Variants in C10orf71 observed in about 807,000 individuals in gnomAD.
C10orf71 encodes the protein chromosome 10 open reading frame 71.
For missense variants in C10orf71, 1,869 were observed against 1,804.5 expected (o/e 1.04, Z -0.65); for synonymous variants, 758 against 726.3 (o/e 1.04, Z -0.70).
chr10:49,307,258 G>T (rs1180282639), intron 1 of C10orf71, among the ~76,000 whole-genome samples: 2 of 152,244 alleles, frequency 1.3e-5, no homozygotes, highest in Non-Finnish European at 2.9e-5. Flanking sequence ...AGCTCACGAG[G>T]AGAAGCCAAG....
chr10:49,297,062 C>T (rs1451508820), upstream of C10orf71, among the ~76,000 whole-genome samples: 2 of 152,246 alleles, frequency 1.3e-5, no homozygotes, highest in Non-Finnish European at 2.9e-5. Flanking sequence ...TTCAAGCAAA[C>T]ACCATTCGCT....
At chr10:49,303,536 G>A (rs966669879) in intron 1 of C10orf71, among the ~76,000 whole-genome samples, 3 of 152,194 alleles carry the variant, frequency 2.0e-5, no homozygotes, top group Non-Finnish European at 4.4e-5. Flanking sequence ...GTCCTGAGCG[G>A]GATCAAGCAC....
chr10:49,325,421 C>A lies in C10orf71; in HGVS notation c.2876C>A (p.Pro959Gln). 1 of 1,549,898 alleles carries A rather than the reference C, an allele frequency of 6.5e-7. No homozygotes were observed. The change falls in exon 3 of 3, where the codon CCA becomes CAA. Residue 959 changes from proline to glutamine, a missense_variant. By Grantham distance (76) the Pro-to-Gln change is moderately conservative (BLOSUM62 -1). Coordinates refer to ENST00000374144, the MANE Select transcript of C10orf71 (RefSeq NM_001135196.2). ...CAGCCAGCCCCAAAGGGGAATTTCC[C>A]ATCTATGCCTCTGGTGGGAGAGGGG... is the stretch of plus-strand genomic sequence containing the variant. The part of the protein sequence containing the change: ...ASQPAPKGNF[P>Q]SMPLVGEGDR...
chr10:49,327,124 T>G lies in C10orf71; in HGVS notation c.*271T>G. ...GTGCCAGTTCCCAGGCGCACTCTAC[T>G]CCAGCCCTTCTCCCTCCCTCCCTTC... is the stretch of plus-strand genomic sequence containing the variant. On this transcript the variant is annotated 3_prime_UTR_variant, in exon 3 of 3. Transcript: ENST00000374144. The G allele has an allele frequency of 1.8e-6, 2 of 1,138,850 alleles. No individual in the cohort carries two copies. The highest frequency in any genetic ancestry group is 1.2e-6 in the Non-Finnish European group (1 of 840,402). The allele number at this position is 1,138,850 out of a possible 1,614,324, so 70.5% of individuals were successfully genotyped here. A position where few individuals can be genotyped will look rare whatever the true frequency, so the allele number is the denominator to read the frequency against.
Position 49,326,951 on chromosome 10 carries a change from A to ACACACACG in C10orf71, c.*105_*106insGCACACAC. ...CACACACACACACACACACACACAC[A>ACACACACG]CACACACACACGATCATCAACACAT... On this transcript the variant is annotated 3_prime_UTR_variant, in exon 3 of 3. Coordinates refer to ENST00000374144, the MANE Select transcript of C10orf71 (RefSeq NM_001135196.2). 1 of 1,576,360 alleles carries ACACACACG rather than the reference A, an allele frequency of 6.3e-7. No individual in the cohort carries two copies. The highest frequency in any genetic ancestry group is 8.6e-7 in the Non-Finnish European group (1 of 1,162,200).
intron 2 of C10orf71, among the ~76,000 whole-genome samples, chr10:49,320,436 C>T (rs560231034): frequency 3.9e-5 from 6 of 152,216 alleles, no homozygotes; most frequent in Non-Finnish European, 7.3e-5. Flanking sequence ...AGCATATCCT[C>T]TTAGGGTGGT....
Position 49,326,345 on chromosome 10 carries a change from T to C in C10orf71, c.3800T>C (p.Leu1267Pro). ...RPGGPQSLTP[L>P]PAYPATQKVL... ...GGGGGCCCCCAGTCCCTCACACCCC[T>C]GCCCGCGTACCCCGCCACCCAGAAG... is the stretch of plus-strand genomic sequence containing the variant. Residue 1267 changes from leucine (L) to proline (P), a missense_variant, in exon 3 of 3, where the codon CTG becomes CCG. Physicochemically the swap from Leu to Pro is moderately conservative, Grantham distance 98 (BLOSUM62 -3). Transcript: ENST00000374144. 1 of 1,550,228 alleles carries C rather than the reference T, an allele frequency of 6.5e-7. No individual in the cohort carries two copies. Among genetic ancestry groups the C allele is most frequent in the Non-Finnish European group, 8.7e-7 (1 of 1,146,792 alleles).
intron 1 of C10orf71, among the ~76,000 whole-genome samples, chr10:49,308,636 T>TC (rs34452431): frequency 6.6e-6 from 1 of 152,124 alleles, no homozygotes; most frequent in Admixed American, 6.5e-5. Context: ...AGCAGTAACT[T>TC]CCCAGGATCC....
rs753780696 is a variant in C10orf71, at chr10:49,322,642, A to G, written c.97A>G (p.Thr33Ala). 1 of 1,613,566 alleles carries G rather than the reference A, an allele frequency of 6.2e-7. No individual in the cohort carries two copies. The highest frequency in any genetic ancestry group is 8.5e-7 in the Non-Finnish European group (1 of 1,179,688). ...DDADREVSSL[T>A]DRAFRSLCIS... Reference sequence around the variant, plus strand: ...TGCAGACAGGGAGGTGAGCAGCCTAACAGACCGGGCATTCCGGAGTTTGTG... The same window carrying G: ...TGCAGACAGGGAGGTGAGCAGCCTAGCAGACCGGGCATTCCGGAGTTTGTG... The change falls in exon 3 of 3, where the codon ACA (threonine) becomes GCA (alanine). Residue 33 changes from threonine (T) to alanine (A), a missense_variant. Coordinates refer to ENST00000374144, the MANE Select transcript of C10orf71 (RefSeq NM_001135196.2).
upstream of C10orf71, chr10:49,298,959 G>C (rs1045230654): frequency 1.3e-5 from 2 of 152,056 alleles, no homozygotes; most frequent in South Asian, 4.1e-4. Context: ...TTCCCACCTC[G>C]GGATATTTTT....
In C10orf71 at chr10:49,325,104, G is replaced by A; in HGVS notation, c.2559G>A (p.Met853Ile). 6.4e-7 allele frequency: 1 copy of A among 1,551,986 alleles called. No homozygotes were observed. The highest frequency in any genetic ancestry group is 8.7e-7 in the Non-Finnish European group (1 of 1,147,070). Residue 853 changes from methionine (M) to isoleucine (I), a missense_variant, in exon 3 of 3, where the codon ATG becomes ATA. By Grantham distance (10) the Met-to-Ile change is conservative (BLOSUM62 1). Coordinates refer to ENST00000374144, the MANE Select transcript of C10orf71 (RefSeq NM_001135196.2). ...PSPSSASNRH[M>I]LFTIKDNTLR... ...CATCTTCTGCTTCAAACAGGCACAT[G>A]CTGTTTACGATTAAAGACAACACCC...
chr10:49,324,884 A>G lies in C10orf71; in HGVS notation c.2339A>G (p.Gln780Arg). 1.3e-6 allele frequency: 2 copies of G among 1,551,644 alleles called. No individual in the cohort carries two copies. Among genetic ancestry groups the G allele is most frequent in the Non-Finnish European group, 1.7e-6 (2 of 1,146,838 alleles). The change falls in exon 3 of 3, where the codon CAG becomes CGG. Residue 780 changes from glutamine to arginine, a missense_variant. Gln to Arg is a conservative substitution (Grantham distance 43). Coordinates refer to ENST00000374144, the MANE Select transcript of C10orf71 (RefSeq NM_001135196.2). Reference sequence around the variant, plus strand: ...AATGTGATGCGGAAGGATGAGCTGCAGTACTGTGCCTTAAGCAATGGGCAC... The same window carrying G: ...AATGTGATGCGGAAGGATGAGCTGCGGTACTGTGCCTTAAGCAATGGGCAC... ...KENVMRKDEL[Q>R]YCALSNGHAC...
chr10:49,327,025 A>T lies in C10orf71; in HGVS notation c.*172A>T. On this transcript the variant is annotated 3_prime_UTR_variant, in exon 3 of 3. Transcript: ENST00000374144. The stretch of plus-strand genomic sequence containing the variant: ...AGTCCAGAAGGCAGTAGGGATCCCA[A>T]GACGACCTCACCCAAAGGGCTCCCT... 2 of 1,577,930 alleles carry T rather than the reference A, an allele frequency of 1.3e-6. No homozygotes were observed. Among genetic ancestry groups the T allele is most frequent in the Non-Finnish European group, 1.7e-6 (2 of 1,159,532 alleles).
chr10:49,323,147 A>T lies in C10orf71; in HGVS notation c.602A>T (p.Glu201Val). Residue 201 changes from glutamate (E) to valine (V), a missense_variant, in exon 3 of 3, where the codon GAA (glutamate) becomes GTA (valine). Physicochemically the swap from Glu to Val is moderately radical, Grantham distance 121 (BLOSUM62 -2). Coordinates refer to ENST00000374144, the MANE Select transcript of C10orf71 (RefSeq NM_001135196.2). ...AFLTVRRVPA[E>V]VSNTHQNSYQ... is the part of the protein sequence containing the mutation. ...CTGACAGTCAGGAGGGTGCCCGCTG[A>T]AGTTTCCAACACCCATCAGAACAGC... 1 of 1,613,950 alleles carries T rather than the reference A, an allele frequency of 6.2e-7. No homozygotes were observed. The highest frequency in any genetic ancestry group is 1.1e-5 in the South Asian group (1 of 91,082).
rs774532138 is a variant in C10orf71 at position 49,323,435 on chromosome 10, T to C, written c.890T>C (p.Val297Ala). 6.2e-7 allele frequency: 1 copy of C among 1,613,930 alleles called. No individual in the cohort carries two copies. The highest frequency in any genetic ancestry group is 1.1e-5 in the South Asian group (1 of 91,076). ...GAGAGAAAGGACACAGCTGGAACCG[T>C]CCCAGAAAGCAAAGCTCCCAAGCAC... ...LLERKDTAGT[V>A]PESKAPKHYG... is the part of the protein sequence containing the mutation. Residue 297 changes from valine (V) to alanine (A), a missense_variant, in exon 3 of 3, where the codon GTC becomes GCC. By Grantham distance (64) the Val-to-Ala change is moderately conservative. Transcript: ENST00000374144.
At position 49,323,949 on chromosome 10, in the gene C10orf71, C is replaced by T. The variant is rs1464965126; in HGVS notation, c.1404C>T (p.Thr468=). The T allele has an allele frequency of 6.2e-7, 1 of 1,613,684 alleles. No homozygotes were observed. The highest frequency in any genetic ancestry group is 8.5e-7 in the Non-Finnish European group (1 of 1,179,852). The change falls in exon 3 of 3, where the codon ACC becomes ACT. Residue 468 remains threonine, a synonymous_variant. Transcript: ENST00000374144. ...DSADSQPAER[T]PSPPGQLNGY... ...CAGACAGCCAGCCAGCAGAGCGAAC[C>T]CCATCACCCCCAGGACAGCTAAACG...
chr10:49,323,544 G>C lies in C10orf71; in HGVS notation c.999G>C (p.Gln333His). ...GCCAGGTCCAGGCCAGCTGCAGTCAGGAAGAGAACAGACTTGCAGCAGGGG... is the reference window on the plus strand; with the variant it reads ...GCCAGGTCCAGGCCAGCTGCAGTCACGAAGAGAACAGACTTGCAGCAGGGG... ...SPCQVQASCS[Q>H]EENRLAAGAL... Residue 333 changes from glutamine to histidine, a missense_variant, in exon 3 of 3, where the codon CAG becomes CAC. Coordinates refer to ENST00000374144, the MANE Select transcript of C10orf71 (RefSeq NM_001135196.2). 6.2e-7 allele frequency: 1 copy of C among 1,609,652 alleles called. No individual in the cohort carries two copies. Among genetic ancestry groups the C allele is most frequent in the Non-Finnish European group, 8.5e-7 (1 of 1,177,204 alleles).
chr10:49,305,497 C>T (rs1246677437), intron 1 of C10orf71, among the ~76,000 whole-genome samples: 4 of 152,148 alleles, frequency 2.6e-5, no homozygotes, highest in Non-Finnish European at 5.9e-5. Flanking sequence ...TTATAAAGTA[C>T]CTTTATACCA....
At position 49,325,633 on chromosome 10, in the gene C10orf71, G is replaced by C; in HGVS notation, c.3088G>C (p.Gly1030Arg). The C allele has an allele frequency of 1.3e-6, 2 of 1,552,120 alleles. No homozygotes were observed. Among genetic ancestry groups the C allele is most frequent in the South Asian group, 2.4e-5 (2 of 84,070 alleles). ...PENCWEEQTP[G>R]FKSHFLSTPR... ...AAACTGTTGGGAAGAGCAAACACCA[G>C]GTTTCAAGAGTCACTTTTTGTCCAC... Residue 1030 changes from glycine to arginine, a missense_variant, in exon 3 of 3, where the codon GGT becomes CGT. Physicochemically the swap from Gly to Arg is moderately radical, Grantham distance 125. Coordinates refer to ENST00000374144, the MANE Select transcript of C10orf71 (RefSeq NM_001135196.2).
Sources: gnomAD v4.1 joint callset for allele counts (sites outside exome capture counted in the v4.1 genomes callset) on GRCh38, gnomAD v4.1.1 for gene constraint, MANE v1.5 for transcripts, NCBI Gene and HGNC (gene_info 2026-07-23, HGNC 2026-07-21) for gene names.